DCDC2: variants seen among roughly 807,000 people sequenced by gnomAD.
The protein encoded by DCDC2 is doublecortin domain containing 2.
A neutral mutation model predicts 50.2 loss-of-function variants in DCDC2; 40 were observed. The ratio of observed to expected loss-of-function variants is 0.80; its 90% CI spans 0.62 to 1.04. The LOEUF (loss-of-function observed/expected upper bound fraction) is 1.04, where lower values mean the gene tolerates loss of function less well. Among genes scored for constraint, DCDC2 ranks in the 50% least tolerant of loss-of-function variants. The probability of loss-of-function intolerance (pLI) is 0.00; values close to 1 mark genes in which losing one functional copy is unlikely to be tolerated. For missense variants in DCDC2, 570 were observed against 581.9 expected (o/e 0.98, Z 0.21); for synonymous variants, 234 against 210.6 (o/e 1.11, Z -0.96).
chr6:24,280,886 C>T (rs72830861), intron 6 of DCDC2, among the ~76,000 whole-genome samples: 4,016 of 152,242 alleles, frequency 0.026, 72 homozygotes, highest in South Asian at 0.059. Flanking sequence ...CAACCTTTCA[C>T]ACGCCGTTAG....
At chr6:24,291,555 G>C (rs186757638) in intron 4 of DCDC2, among the ~76,000 whole-genome samples, 1 of 138,742 alleles carries the variant, frequency 7.2e-6, no homozygotes, top group Non-Finnish European at 1.5e-5. Flanking sequence ...GCAGGATCTC[G>C]GCTCACTGCA....
chr6:24,244,619 C>A (rs886510597), intron 7 of DCDC2, among the ~76,000 whole-genome samples: 2 of 152,214 alleles, frequency 1.3e-5, no homozygotes. Flanking sequence ...CAGACCTGCT[C>A]TCTGTGCTTT....
intron 2 of DCDC2, among the ~76,000 whole-genome samples, chr6:24,328,164 T>C (rs1459413933): frequency 6.6e-6 from 1 of 152,244 alleles, no homozygotes; most frequent in Non-Finnish European, 1.5e-5. Context: ...CCTCTGTATA[T>C]ACAGGAAACT....
At chr6:24,250,425 C>T (rs1331493431) in intron 7 of DCDC2, among the ~76,000 whole-genome samples, 1 of 152,124 alleles carries the variant, frequency 6.6e-6, no homozygotes, top group East Asian at 1.9e-4. Flanking sequence ...TGTGCTTAAA[C>T]GACAAGGATC....
chr6:24,270,752 G>C (rs1265838820), intron 7 of DCDC2, among the ~76,000 whole-genome samples: 1 of 152,120 alleles, frequency 6.6e-6, no homozygotes, highest in East Asian at 1.9e-4. Context: ...CATGACATCA[G>C]ACACCTCCCT....
Position 24,278,077 on chromosome 6 carries a change from C to A in DCDC2, c.894G>T (p.Lys298Asn). ...LTKLKQNVKL[K>N]NSQETIPNSD... ...TATTTGGAATGGTTTCTTGTGAATT[C>A]TTTAATTTTACATTTTGTTTCAATT... The change falls in exon 7 of 10, where the codon AAG (lysine) becomes AAT (asparagine). Residue 298 changes from lysine (K) to asparagine (N), a missense_variant. By Grantham distance (94) the Lys-to-Asn change is moderately conservative. Coordinates refer to ENST00000378454, the MANE Select transcript of DCDC2 (RefSeq NM_016356.5). 6.2e-7 allele frequency: 1 copy of A among 1,612,412 alleles called. No individual in the cohort carries two copies. The highest frequency in any genetic ancestry group is 8.5e-7 in the Non-Finnish European group (1 of 1,179,146).
chr6:24,283,429 GCTTTCTCT>G (rs1763521434), intron 6 of DCDC2, among the ~76,000 whole-genome samples: 1 of 152,160 alleles, frequency 6.6e-6, no homozygotes, highest in Non-Finnish European at 1.5e-5. Context: ...TATGGCAGCT[GCTTTCTCT>G]CTTTCTCTCT....
upstream of DCDC2, among the ~76,000 whole-genome samples, chr6:24,359,144 A>T (rs1408650027): frequency 1.6e-5 from 1 of 61,698 alleles, no homozygotes; most frequent in African/African-American, 7.6e-5. Context: ...TATATATATT[A>T]TATATTTTAT....
chr6:24,268,611 G>A (rs1434137729), intron 7 of DCDC2, among the ~76,000 whole-genome samples: 3 of 152,198 alleles, frequency 2.0e-5, no homozygotes, highest in African/African-American at 7.2e-5. Flanking sequence ...AGCTCTTGTC[G>A]CCCAGGTTGG....
At chr6:24,240,953 G>A (rs1318360669) in intron 7 of DCDC2, among the ~76,000 whole-genome samples, 1 of 152,192 alleles carries the variant, frequency 6.6e-6, no homozygotes, top group African/African-American at 2.4e-5. Context: ...TTCACAAAGT[G>A]TCTGATACTG....
chr6:24,295,587 CA>C (rs1181967589), intron 4 of DCDC2, among the ~76,000 whole-genome samples: 1 of 152,090 alleles, frequency 6.6e-6, no homozygotes, highest in Non-Finnish European at 1.5e-5. Flanking sequence ...AGTCTCGGCC[CA>C]AAAGCTCTTT....
chr6:24,215,507 G>A (rs535808702), intron 7 of DCDC2, among the ~76,000 whole-genome samples: 2 of 152,232 alleles, frequency 1.3e-5, no homozygotes, highest in South Asian at 4.2e-4. Flanking sequence ...GGAGATCATG[G>A]AAAGTGTTAT....
chr6:24,195,716 AC>A (rs1761419535), intron 8 of DCDC2, among the ~76,000 whole-genome samples: 1 of 152,212 alleles, frequency 6.6e-6, no homozygotes, highest in South Asian at 2.1e-4. Flanking sequence ...CCCAGAAATC[AC>A]CATATATCCC....
At chr6:24,280,540 T>C (rs556964294) in intron 6 of DCDC2, among the ~76,000 whole-genome samples, 1 of 152,176 alleles carries the variant, frequency 6.6e-6, no homozygotes, top group Admixed American at 6.5e-5. Flanking sequence ...TTTTAAAATT[T>C]TATTTATTTT....
In DCDC2 at chr6:24,183,860, C is replaced by T. The variant is rs147329271; in HGVS notation, c.1024-5228G>A. 7.9e-3 allele frequency among the ~76,000 whole-genome samples: 1,210 copies of T among 152,236 alleles called. 7 individuals are homozygous for T. Among genetic ancestry groups the T allele is most frequent in the Non-Finnish European group, 0.011 (778 of 68,024 alleles). ...GCGAGAAGCAGTTAAGGGCATGTGT[C>T]GGGAAAGGAGTGGGTTGTTTGGCCA... On this transcript the variant is annotated intron_variant, in intron 8 of 9. Transcript: ENST00000378454.
At chr6:24,349,491 A>G (rs1010378145) in intron 2 of DCDC2, among the ~76,000 whole-genome samples, 20 of 152,192 alleles carry the variant, frequency 1.3e-4, no homozygotes, top group African/African-American at 4.6e-4. Flanking sequence ...GTGCTGGTAA[A>G]GGCATCACAC....
intron 2 of DCDC2, among the ~76,000 whole-genome samples, chr6:24,334,957 G>A (rs1282226861): frequency 6.6e-6 from 1 of 152,148 alleles, no homozygotes; most frequent in Non-Finnish European, 1.5e-5. Context: ...GGGCGGCACA[G>A]CAAACATGGT....
chr6:24,234,454 A>G (rs1002205457), intron 7 of DCDC2, among the ~76,000 whole-genome samples: 2 of 152,136 alleles, frequency 1.3e-5, no homozygotes, highest in African/African-American at 4.8e-5. Context: ...TGGACAGATA[A>G]CGTTGGGAAC....
chr6:24,350,472 T>A (rs530164643), intron 2 of DCDC2, among the ~76,000 whole-genome samples: 1 of 152,260 alleles, frequency 6.6e-6, no homozygotes, highest in Non-Finnish European at 1.5e-5. Context: ...TTAGAATTAG[T>A]ATGTTTTAGG....
Sources: allele counts gnomAD v4.1 joint callset (sites outside exome capture counted in the v4.1 genomes callset), GRCh38; gene constraint gnomAD v4.1.1; transcripts MANE v1.5; gene names NCBI Gene and HGNC (gene_info 2026-07-23, HGNC 2026-07-21).